Variants in TMTC4 observed in about 807,000 individuals in gnomAD.
TMTC4 encodes the protein transmembrane O-mannosyltransferase targeting cadherins 4.
A neutral mutation model predicts 86.0 loss-of-function variants in TMTC4; 65 were observed. The observed-to-expected ratio is 0.76, with a 90% CI of 0.62 to 0.93. The LOEUF (loss-of-function observed/expected upper bound fraction) is 0.93. TMTC4 is among the 40% of genes least tolerant of loss of function. The probability of loss-of-function intolerance (pLI) is 0.00; values close to 1 mark genes in which losing one functional copy is unlikely to be tolerated. For missense variants in TMTC4, 866 were observed against 948.1 expected (o/e 0.91, Z 1.14); for synonymous variants, 379 against 382.5 (o/e 0.99, Z 0.11).
chr13:100,613,345 T>G (rs1166657373), intron 16 of TMTC4, among the ~76,000 whole-genome samples: 1 of 152,214 alleles, frequency 6.6e-6, no homozygotes, highest in Non-Finnish European at 1.5e-5. Context: ...TTTCTGTGCC[T>G]AACACCATCA....
rs746419505 is a variant in TMTC4 at position 100,665,216 on chromosome 13, TA to T, written c.220-881del. Among the ~76,000 whole-genome samples, 10 of 152,314 alleles carry T rather than the reference TA, an allele frequency of 6.6e-5. No individual in the cohort carries two copies. The East Asian group carries it at 1.9e-3, about 29-fold the overall frequency. ...ATTCAAAAGATGAAAGTAGATGGCT[TA>T]AATTGTGTCTAATGAGAAGAGAGGC... On this transcript the variant is annotated intron_variant, in intron 3 of 18. Transcript: ENST00000342624.
At chr13:100,644,071 C>T (rs893532448) in intron 6 of TMTC4, among the ~76,000 whole-genome samples, 3 of 150,078 alleles carry the variant, frequency 2.0e-5, no homozygotes, top group African/African-American at 7.3e-5. Flanking sequence ...ACAGCCAGTG[C>T]GTTCTGGCCT....
rs559235780 is a variant in TMTC4, at chr13:100,669,719, T to C, written c.3+641A>G. On this transcript the variant is annotated intron_variant, in intron 2 of 18. Coordinates refer to ENST00000342624, the MANE Select transcript of TMTC4 (RefSeq NM_032813.5). ...CCAGTGGTCAGCGGTGCCTAACAGCTTCCCGCCTTGGAATTCGCCAAAACA... is the reference window on the plus strand; with the variant it reads ...CCAGTGGTCAGCGGTGCCTAACAGCCTCCCGCCTTGGAATTCGCCAAAACA... Among the ~76,000 whole-genome samples the C allele has an allele frequency of 7.2e-5, 11 of 152,216 alleles. No individual in the cohort carries two copies. The East Asian group carries it at 7.8e-4, about 11-fold the overall frequency.
chr13:100,615,499 T>A (rs1878341430), intron 15 of TMTC4, among the ~76,000 whole-genome samples: 1 of 151,644 alleles, frequency 6.6e-6, no homozygotes, highest in Non-Finnish European at 1.5e-5. Context: ...TGCAGTGGCA[T>A]GATCTTGGCT....
chr13:100,674,644 C>G (rs1301560599), intron 1 of TMTC4, 100 bp downstream of exon 1: 1 of 982,282 alleles, frequency 1.0e-6, no homozygotes, highest in Non-Finnish European at 1.2e-6. Flanking sequence ...CCGTGCGGGG[C>G]TCGGGACACG....
Position 100,668,657 on chromosome 13 carries a change from C to T in TMTC4, c.141G>A (p.Ser47=), listed in dbSNP as rs202190899. 256 of 1,614,070 alleles carry T rather than the reference C, an allele frequency of 1.6e-4. No homozygotes were observed. Among genetic ancestry groups the T allele is most frequent in the Non-Finnish European group, 2.0e-4 (239 of 1,180,048 alleles). The change falls in exon 3 of 19, where the codon TCG becomes TCA. Residue 47 remains serine, a synonymous_variant. Transcript: ENST00000342624. ...PPFWAKLVVG[S]VAIVCFARSY... is the part of the protein sequence containing the mutation. Reference sequence around the variant, plus strand: ...TGCGTGCAAAACACACAATGGCAACCGATCCCACTACTAACTTAGCCCAGA... The same window carrying T: ...TGCGTGCAAAACACACAATGGCAACTGATCCCACTACTAACTTAGCCCAGA...
chr13:100,672,889 A>G (rs12870469), intron 1 of TMTC4, among the ~76,000 whole-genome samples: 39,077 of 152,008 alleles, frequency 0.26, 6,001 homozygotes, highest in Admixed American at 0.37. Flanking sequence ...TCTTCTCCAC[A>G]TGATGTCCTG....
At chr13:100,670,785 CA>C (rs1029824244) in intron 1 of TMTC4, 64 of 162,820 alleles carry the variant, frequency 3.9e-4, no homozygotes, top group South Asian at 7.6e-4. Flanking sequence ...CCCGTGTCTA[CA>C]AAAAAAAATA....
chr13:100,656,462 C>T lies in TMTC4; in HGVS notation c.559G>A (p.Gly187Ser). ...AGGAGGTCTGCACGGCCGACAACAC[C>T]AGCAACCTTAAAAAAGGGGGAAGAA... ...VHPVHTECVA[G>S]VVGRADLLCA... The change falls in exon 6 of 19, where the codon GGT becomes AGT. Residue 187 changes from glycine (G) to serine (S), a missense_variant. Coordinates refer to ENST00000342624, the MANE Select transcript of TMTC4 (RefSeq NM_032813.5). 1 of 1,593,800 alleles carries T rather than the reference C, an allele frequency of 6.3e-7. No individual in the cohort carries two copies. The highest frequency in any genetic ancestry group is 8.5e-7 in the Non-Finnish European group (1 of 1,169,686).
chr13:100,625,390 A>T, intron 15 of TMTC4, 145 bp downstream of exon 15: 1 of 1,147,746 alleles, frequency 8.7e-7, no homozygotes, highest in African/African-American at 1.5e-5. Context: ...AAAGGAAATC[A>T]AATAGCTACC....
In TMTC4 at chr13:100,656,542, C is replaced by CTTTTT. The variant is rs35563246; in HGVS notation, c.553-79_553-75dup. On this transcript the variant is annotated intron_variant, in intron 5 of 18. Transcript: ENST00000342624. ...GAAATCCTAAACTTAGGAGACATAA[C>CTTTTT]TTTTTTTTTTTTTTTTTTGCGACAG... The CTTTTT allele has an allele frequency of 2.4e-3, 921 of 385,724 alleles. 37 individuals are homozygous for CTTTTT. Among genetic ancestry groups the CTTTTT allele is most frequent in the African/African-American group, 0.018 (720 of 40,210 alleles). 23.9% of individuals were successfully genotyped at this position (385,724 alleles called of 1,614,324 possible).
At chr13:100,629,475 A>G (rs1415850634) in intron 12 of TMTC4, among the ~76,000 whole-genome samples, 2 of 152,118 alleles carry the variant, frequency 1.3e-5, no homozygotes, top group African/African-American at 4.8e-5. Context: ...CTTCGGGGCC[A>G]TTCAGCGTCT....
chr13:100,620,980 A>T (rs1253799805), intron 15 of TMTC4, among the ~76,000 whole-genome samples: 2 of 152,252 alleles, frequency 1.3e-5, no homozygotes, highest in African/African-American at 4.8e-5. Context: ...TTAAACCACA[A>T]GGGAAAGCAA....
rs759870835 is a variant in TMTC4 at position 100,636,640 on chromosome 13, A to C, written c.1094T>G (p.Leu365Arg). ...CCTCCAGTCGCTGATGGACTTAATG[A>C]GGGGGATGCAGCCCATTGACCAATC... ...CFDWSMGCIP[L>R]IKSISDWRVI... Residue 365 changes from leucine to arginine, a missense_variant, in exon 10 of 19, where the codon CTC becomes CGC. By Grantham distance (102) the Leu-to-Arg change is moderately radical. Transcript: ENST00000342624. 8.7e-6 allele frequency: 14 copies of C among 1,614,106 alleles called. No homozygotes were observed. Among genetic ancestry groups the C allele is most frequent in the Non-Finnish European group, 1.2e-5 (14 of 1,180,052 alleles).
chr13:100,667,604 T>A (rs1045503566), intron 3 of TMTC4, among the ~76,000 whole-genome samples: 3 of 152,182 alleles, frequency 2.0e-5, no homozygotes, highest in African/African-American at 7.2e-5. Context: ...ATTTTCAGTA[T>A]GAAAATGACT....
intron 7 of TMTC4, 106 bp downstream of exon 7, chr13:100,642,105 T>C (rs867613495): frequency 8.8e-7 from 1 of 1,131,054 alleles, no homozygotes; most frequent in African/African-American, 1.5e-5. Flanking sequence ...AGCAATGGGA[T>C]GTAGGCGTGG....
rs539832278 is a variant in TMTC4 at position 100,634,903 on chromosome 13, A to G, written c.1408T>C (p.Phe470Leu). 9.9e-6 allele frequency: 16 copies of G among 1,614,178 alleles called. No individual in the cohort carries two copies. Among genetic ancestry groups the G allele is most frequent in the South Asian group, 9.9e-5 (9 of 91,076 alleles). Reference protein sequence around the residue: ...LIAAVVLGILFINTLRCVLRS... With the variant: ...LIAAVVLGILLINTLRCVLRS... ...AGCACACATCTCAGCGTGTTGATGA[A>G]TAAGATTCCCAGCACGACAGCGGCA... is the stretch of plus-strand genomic sequence containing the variant. The change falls in exon 12 of 19, where the codon TTC becomes CTC. Residue 470 changes from phenylalanine (F) to leucine (L), a missense_variant. Coordinates refer to ENST00000342624, the MANE Select transcript of TMTC4 (RefSeq NM_032813.5).
intron 6 of TMTC4, among the ~76,000 whole-genome samples, chr13:100,652,359 G>A (rs559578888): frequency 2.7e-5 from 4 of 148,528 alleles, no homozygotes; most frequent in Non-Finnish European, 4.5e-5. Context: ...GGTGACTGTA[G>A]TCCCAGCTAC....
At chr13:100,671,876 C>CAA (rs34651640) in intron 1 of TMTC4, among the ~76,000 whole-genome samples, 5 of 109,538 alleles carry the variant, frequency 4.6e-5, no homozygotes, top group African/African-American at 1.3e-4. Context: ...CTAGCAAACG[C>CAA]AAAAAAAAAA....
Sources: gnomAD v4.1 joint callset for allele counts (sites outside exome capture counted in the v4.1 genomes callset) on GRCh38, gnomAD v4.1.1 for gene constraint, MANE v1.5 for transcripts, NCBI Gene and HGNC (gene_info 2026-07-23, HGNC 2026-07-21) for gene names.